CCDC91: variants seen among roughly 807,000 people sequenced by gnomAD.
CCDC91 encodes coiled-coil domain-containing protein 91.
In CCDC91, 48 loss-of-function variants were observed where a neutral mutation model predicts 63.2. The observed-to-expected ratio is 0.76, with a 90% CI of 0.60 to 0.97. The LOEUF is 0.97. Among genes scored for constraint, CCDC91 ranks in the 50% least tolerant of loss-of-function variants. CCDC91 has a pLI of 0.00. For synonymous variants in CCDC91, 167 were observed against 165.8 expected, an observed-to-expected ratio of 1.01 and a Z score of -0.06; for missense variants, 500 against 494.6, an observed-to-expected ratio of 1.01 and a Z score of -0.10.
intron 1 of CCDC91, among the ~76,000 whole-genome samples, chr12:28,197,567 T>C (rs536903964): frequency 1.3e-5 from 2 of 152,244 alleles, no homozygotes; most frequent in South Asian, 4.1e-4. Context: ...CAAACTTACC[T>C]AAGGTTGTAT....
chr12:28,454,248 C>A (rs1379209434), intron 11 of CCDC91, among the ~76,000 whole-genome samples: 1 of 152,134 alleles, frequency 6.6e-6, no homozygotes, highest in East Asian at 1.9e-4. Context: ...GGTTTCTATG[C>A]ATTAGAAATA....
chr12:28,205,691 A>G (rs561427314), intron 1 of CCDC91, among the ~76,000 whole-genome samples: 84 of 152,306 alleles, frequency 5.5e-4, no homozygotes, highest in African/African-American at 1.9e-3. Flanking sequence ...TTAAACACTC[A>G]GCAGTGTATG....
At position 28,190,654 on chromosome 12, in the gene CCDC91, T is replaced by C. The variant is rs1203457012; in HGVS notation, c.-15+13T>C. Reference sequence around the variant, plus strand: ...GAGAGGGGAGCAGGTAAGTGAACGCTCGCCTTCCGGGGCCTGGGTCTTGGG... The same window carrying C: ...GAGAGGGGAGCAGGTAAGTGAACGCCCGCCTTCCGGGGCCTGGGTCTTGGG... On this transcript the variant is annotated intron_variant, in intron 1 of 12. Transcript: ENST00000536442. 1 of 152,772 alleles carries C rather than the reference T, an allele frequency of 6.5e-6. No individual in the cohort carries two copies. The highest frequency in any genetic ancestry group is 1.5e-5 in the Non-Finnish European group (1 of 68,576). The allele number at this position is 152,772 out of a possible 1,614,324, so 9.5% of individuals were successfully genotyped here.
chr12:28,546,233 T>C (rs1019393887), intron 12 of CCDC91, among the ~76,000 whole-genome samples: 2 of 152,088 alleles, frequency 1.3e-5, no homozygotes, highest in Admixed American at 6.6e-5. Context: ...CAAAATAATA[T>C]ACCGCTGAGT....
chr12:28,213,170 C>T (rs1171797435), intron 1 of CCDC91, among the ~76,000 whole-genome samples: 1 of 152,186 alleles, frequency 6.6e-6, no homozygotes, highest in Non-Finnish European at 1.5e-5. Context: ...TCCTTTCCCC[C>T]CAGGGGAATT....
At chr12:28,192,658 T>G (rs1329015094) in intron 1 of CCDC91, among the ~76,000 whole-genome samples, 1 of 152,216 alleles carries the variant, frequency 6.6e-6, no homozygotes, top group Non-Finnish European at 1.5e-5. Flanking sequence ...ATTTTTGGTC[T>G]CCTTACTGTT....
intron 11 of CCDC91, among the ~76,000 whole-genome samples, chr12:28,465,923 A>G (rs10843182): frequency 0.21 from 31,744 of 152,100 alleles, 4,336 homozygotes; most frequent in Non-Finnish European, 0.31. Flanking sequence ...ATTCAAGATA[A>G]CACAGAGAAG....
At chr12:28,248,102 G>A (rs1945877416) in intron 1 of CCDC91, among the ~76,000 whole-genome samples, 1 of 152,202 alleles carries the variant, frequency 6.6e-6, no homozygotes, top group Non-Finnish European at 1.5e-5. Flanking sequence ...TTTTGTGATT[G>A]ATTTTATATA....
chr12:28,506,681 C>T (rs138705799), intron 12 of CCDC91, among the ~76,000 whole-genome samples: 1 of 152,024 alleles, frequency 6.6e-6, no homozygotes, highest in African/African-American at 2.4e-5. Flanking sequence ...TTATAATCCT[C>T]ATTTTACAGG....
intron 1 of CCDC91, among the ~76,000 whole-genome samples, chr12:28,241,837 A>G (rs1945357423): frequency 6.6e-6 from 1 of 151,928 alleles, no homozygotes; most frequent in African/African-American, 2.4e-5. Flanking sequence ...CTCTACTAAA[A>G]TTACAAAAAT....
intron 3 of CCDC91, among the ~76,000 whole-genome samples, chr12:28,290,972 A>G (rs1417254928): frequency 1.3e-5 from 2 of 152,158 alleles, no homozygotes; most frequent in African/African-American, 2.4e-5. Flanking sequence ...ATATGAAGGT[A>G]TTTCCTCACC....
intron 12 of CCDC91, among the ~76,000 whole-genome samples, chr12:28,499,995 C>G (rs988571060): frequency 6.6e-6 from 1 of 152,136 alleles, no homozygotes; most frequent in Non-Finnish European, 1.5e-5. Context: ...TCCACATCCT[C>G]TCCAGCATCT....
chr12:28,519,372 A>T (rs1368672371), intron 12 of CCDC91, among the ~76,000 whole-genome samples: 7 of 151,948 alleles, frequency 4.6e-5, no homozygotes, highest in African/African-American at 1.4e-4. Flanking sequence ...CAGCTTGGTC[A>T]CTTGGTGTAC....
intron 12 of CCDC91, among the ~76,000 whole-genome samples, chr12:28,504,306 T>C (rs1414061853): frequency 6.6e-6 from 1 of 151,902 alleles, no homozygotes; most frequent in Non-Finnish European, 1.5e-5. Context: ...CCCAATACTT[T>C]TATTGACAAG....
intron 8 of CCDC91, among the ~76,000 whole-genome samples, chr12:28,433,090 G>C (rs1948718645): frequency 6.6e-6 from 1 of 151,636 alleles, no homozygotes; most frequent in Non-Finnish European, 1.5e-5. Flanking sequence ...AGTTTTAAGA[G>C]TTTTCTGCAT....
At chr12:28,350,149 A>G (rs1294749844) in intron 6 of CCDC91, among the ~76,000 whole-genome samples, 1 of 152,164 alleles carries the variant, frequency 6.6e-6, no homozygotes, top group Non-Finnish European at 1.5e-5. Flanking sequence ...CCTTTGTACT[A>G]TTACAAGCAA....
chr12:28,213,907 G>A (rs929091345), intron 1 of CCDC91, among the ~76,000 whole-genome samples: 3 of 152,160 alleles, frequency 2.0e-5, no homozygotes, highest in Non-Finnish European at 2.9e-5. Flanking sequence ...TGAAAGGCTG[G>A]TGCAGGATTC....
intron 1 of CCDC91, among the ~76,000 whole-genome samples, chr12:28,238,499 C>T (rs1017294817): frequency 6.6e-6 from 1 of 152,088 alleles, no homozygotes; most frequent in African/African-American, 2.4e-5. Context: ...CCTTTGTAGA[C>T]AGTGATCTGA....
chr12:28,234,274 T>C (rs572178382), intron 1 of CCDC91, among the ~76,000 whole-genome samples: 2 of 152,178 alleles, frequency 1.3e-5, no homozygotes, highest in South Asian at 2.1e-4. Flanking sequence ...TATTGGAATT[T>C]ATTGTAAATT....
Sources: gnomAD v4.1 joint callset for allele counts (sites outside exome capture counted in the v4.1 genomes callset) on GRCh38, gnomAD v4.1.1 for gene constraint, MANE v1.5 for transcripts, NCBI Gene and HGNC (gene_info 2026-07-23, HGNC 2026-07-21) for gene names.